Variants in FMN1 observed in about 807,000 individuals in gnomAD.
FMN1 encodes formin 1, also known as formin-1.
In FMN1, 110 loss-of-function variants were observed where a neutral mutation model predicts 132.4. The observed-to-expected ratio is 0.83, with a 90% CI of 0.71 to 0.97. The LOEUF (loss-of-function observed/expected upper bound fraction) is 0.97, where lower values mean the gene tolerates loss of function less well. Ranked by LOEUF, FMN1 falls within the 50% of genes least tolerant of loss-of-function variation. FMN1 has a pLI of 0.00. For synonymous variants in FMN1, 722 were observed against 651.7 expected (o/e 1.11, Z -1.64); for missense variants, 1,792 against 1,705.3 (o/e 1.05, Z -0.90).
rs922749423 is a variant in FMN1 at position 32,799,051 on chromosome 15, T to A, written c.3981-98A>T. 28 of 953,172 alleles carry A rather than the reference T, an allele frequency of 2.9e-5. No individual in the cohort carries two copies. The East Asian group carries it at 6.7e-4, about 23-fold the overall frequency. The allele number at this position is 953,172 out of a possible 1,614,324, so 59.0% of individuals were successfully genotyped here. The stretch of plus-strand genomic sequence containing the variant: ...GGGATGCTGGGGGCAGTTTCTCTTG[T>A]GTTTATTTTGTAACACAGAAGCTGG... On this transcript the variant is annotated intron_variant, in intron 18 of 20. Coordinates refer to ENST00000616417, the MANE Select transcript of FMN1 (RefSeq NM_001277313.2).
At chr15:32,827,371 A>T (rs907068299) in intron 17 of FMN1, among the ~76,000 whole-genome samples, 1 of 152,194 alleles carries the variant, frequency 6.6e-6, no homozygotes, top group African/African-American at 2.4e-5. Context: ...CACTTTCACA[A>T]ATGGATTATT....
chr15:33,152,914 T>TTGC (rs1160186901), intron 4 of FMN1, 134 bp downstream of exon 4: 1 of 884,878 alleles, frequency 1.1e-6, no homozygotes, highest in African/African-American at 1.7e-5. Flanking sequence ...CCCCGTTTTC[T>TTGC]TGCTACAAAG....
chr15:33,048,711 G>A (rs1002018350), intron 6 of FMN1, among the ~76,000 whole-genome samples: 5 of 149,784 alleles, frequency 3.3e-5, no homozygotes, highest in African/African-American at 1.2e-4. Context: ...CATGACAAAA[G>A]GCAAGGAGGA....
intron 9 of FMN1, among the ~76,000 whole-genome samples, chr15:32,957,715 A>G (rs1376997021): frequency 1.3e-5 from 2 of 152,216 alleles, no homozygotes; most frequent in Non-Finnish European, 2.9e-5. Flanking sequence ...ATTAATGCAA[A>G]GAATACTTAA....
intron 4 of FMN1, among the ~76,000 whole-genome samples, chr15:33,113,277 GAAGT>G (rs1451943212): frequency 6.6e-6 from 1 of 152,154 alleles, no homozygotes; most frequent in Non-Finnish European, 1.5e-5. Context: ...CAACTTCAGT[GAAGT>G]AATTAAACAG....
At chr15:32,842,420 C>T (rs1227730083) in intron 17 of FMN1, among the ~76,000 whole-genome samples, 6 of 152,194 alleles carry the variant, frequency 3.9e-5, no homozygotes, top group African/African-American at 1.4e-4. Context: ...GTCTAATCAA[C>T]TCATTAAACT....
chr15:33,068,231 C>A lies in FMN1; in HGVS notation c.2044-3157G>T, dbSNP rs1040392228. Reference sequence around the variant, plus strand: ...GCCTTTTTGTCATAGGGAAAGTCAGCCTGCCCTGTAATCCCAACCCAGGAC... The same window carrying A: ...GCCTTTTTGTCATAGGGAAAGTCAGACTGCCCTGTAATCCCAACCCAGGAC... On this transcript the variant is annotated intron_variant, in intron 5 of 20. Transcript: ENST00000616417. The A allele has an allele frequency of 5.9e-5, 13 of 218,526 alleles. No homozygotes were observed. In the East Asian group the frequency reaches 1.5e-3, roughly 24 times the overall value. 13.5% of individuals were successfully genotyped at this position (218,526 alleles called of 1,614,324 possible).
intron 4 of FMN1, among the ~76,000 whole-genome samples, chr15:33,104,308 C>T (rs1255502712): frequency 6.6e-6 from 1 of 152,066 alleles, no homozygotes; most frequent in Non-Finnish European, 1.5e-5. Context: ...TTACTTTGGG[C>T]TTAAATTTTA....
At chr15:33,050,539 C>T (rs949736141) in intron 6 of FMN1, among the ~76,000 whole-genome samples, 1 of 152,152 alleles carries the variant, frequency 6.6e-6, no homozygotes, top group Non-Finnish European at 1.5e-5. Context: ...CCACTTATAT[C>T]AGAAAAATAC....
chr15:32,932,518 T>C (rs1330895489), intron 9 of FMN1, among the ~76,000 whole-genome samples: 1 of 152,224 alleles, frequency 6.6e-6, no homozygotes, highest in Non-Finnish European at 1.5e-5. Flanking sequence ...TCTCATAAAA[T>C]GAATTTGGAA....
intron 17 of FMN1, among the ~76,000 whole-genome samples, chr15:32,840,430 G>A (rs964713182): frequency 2.6e-5 from 4 of 152,090 alleles, no homozygotes; most frequent in Non-Finnish European, 4.4e-5. Context: ...GTAATCACCC[G>A]GTATCAGCAC....
chr15:32,815,036 G>A (rs1258796), intron 17 of FMN1, among the ~76,000 whole-genome samples: 26,422 of 151,954 alleles, frequency 0.17, 2,943 homozygotes, highest in Non-Finnish European at 0.24. Flanking sequence ...TCCGCCTCCC[G>A]GGTTCATCCC....
At chr15:32,932,110 T>C (rs2061134894) in intron 9 of FMN1, among the ~76,000 whole-genome samples, 1 of 152,166 alleles carries the variant, frequency 6.6e-6, no homozygotes, top group African/African-American at 2.4e-5. Context: ...TTAAATTATG[T>C]TTACTGGGCC....
chr15:32,914,395 G>A (rs1171583069), intron 10 of FMN1, among the ~76,000 whole-genome samples: 1 of 152,162 alleles, frequency 6.6e-6, no homozygotes, highest in Non-Finnish European at 1.5e-5. Context: ...GCAGATAATA[G>A]GCTCACAAAA....
rs139243982 is a variant in FMN1 at position 32,994,049 on chromosome 15, C to T, written c.2223+13965G>A. ...TGTACAAGACCCTTCCAGAATCTTG[C>T]CTCTTGCCTTTCTCCACCGCACTGT... On this transcript the variant is annotated intron_variant, in intron 7 of 20. Coordinates refer to ENST00000616417, the MANE Select transcript of FMN1 (RefSeq NM_001277313.2). Among the ~76,000 whole-genome samples, 487 of 152,192 alleles carry T rather than the reference C, an allele frequency of 3.2e-3. 2 individuals carry two copies. Among genetic ancestry groups the T allele is most frequent in the African/African-American group, 0.011 (471 of 41,494 alleles).
intron 9 of FMN1, among the ~76,000 whole-genome samples, chr15:32,959,252 C>G (rs928852997): frequency 6.6e-6 from 1 of 152,118 alleles, no homozygotes; most frequent in African/African-American, 2.4e-5. Flanking sequence ...AGGAGTTGGC[C>G]TTCAATGCTG....
chr15:33,051,294 G>A (rs1045610341), intron 6 of FMN1, among the ~76,000 whole-genome samples: 2 of 152,132 alleles, frequency 1.3e-5, no homozygotes, highest in Non-Finnish European at 2.9e-5. Flanking sequence ...AGGTTAAGGT[G>A]AATTATGGCT....
intron 4 of FMN1, among the ~76,000 whole-genome samples, chr15:33,136,882 G>T (rs1401229953): frequency 6.6e-6 from 1 of 152,058 alleles, no homozygotes; most frequent in African/African-American, 2.4e-5. Context: ...GAGATCAGGA[G>T]TTCGAAACCA....
At chr15:32,795,995 A>G (rs1284442657) in intron 19 of FMN1, among the ~76,000 whole-genome samples, 2 of 152,176 alleles carry the variant, frequency 1.3e-5, no homozygotes, top group Non-Finnish European at 2.9e-5. Context: ...CACCAGTTTA[A>G]TAAGATTATT....
Sources: allele counts gnomAD v4.1 joint callset (sites outside exome capture counted in the v4.1 genomes callset), GRCh38; gene constraint gnomAD v4.1.1; transcripts MANE v1.5; gene names NCBI Gene and HGNC (gene_info 2026-07-23, HGNC 2026-07-21).